The following CACNA1D variants were observed in gnomAD, a reference collection of about 807,000 sequenced individuals.
CACNA1D encodes voltage-dependent L-type calcium channel subunit alpha-1D.
CACNA1D carries 55 observed loss-of-function variants against 257.1 expected under a neutral mutation model. The ratio of observed to expected loss-of-function variants is 0.21; its 90% CI spans 0.17 to 0.27. The LOEUF (loss-of-function observed/expected upper bound fraction) is 0.27, where lower values mean the gene tolerates loss of function less well. Among genes scored for constraint, CACNA1D ranks in the 10% least tolerant of loss-of-function variants. The pLI is 1.00. For synonymous variants in CACNA1D, 980 were observed against 1,014.9 expected, an observed-to-expected ratio of 0.97 and a Z score of 0.65; for missense variants, 1,876 against 2,784.0, an observed-to-expected ratio of 0.67 and a Z score of 7.34.
chr3:53,501,534 G>C, intron 2 of CACNA1D, 81 bp from the exon 3 acceptor site: 1 of 784,302 alleles, frequency 1.3e-6, no homozygotes. Flanking sequence ...AAAGTGCTTT[G>C]AAAGTGGTGT....
chr3:53,625,538 T>C lies in CACNA1D; in HGVS notation c.484-25241T>C, dbSNP rs147589526. 3.3e-5 allele frequency among the ~76,000 whole-genome samples: 5 copies of C among 152,320 alleles called. No homozygotes were observed. The East Asian group carries it at 9.6e-4, about 29-fold the overall frequency. The stretch of plus-strand genomic sequence containing the variant: ...CCTCCCCTAGGAAGATGTGCTCTTC[T>C]GGGATTTGGGAGCATTCATGACATC... On this transcript the variant is annotated intron_variant, in intron 3 of 47. Transcript: ENST00000350061.
chr3:53,700,247 A>C (rs935111346), intron 8 of CACNA1D, among the ~76,000 whole-genome samples: 7 of 152,006 alleles, frequency 4.6e-5, no homozygotes, highest in African/African-American at 1.7e-4. Flanking sequence ...CCAAAGTAAG[A>C]ATACCTTGTT....
At chr3:53,799,153 G>A (rs572195033) in intron 40 of CACNA1D, among the ~76,000 whole-genome samples, 1 of 152,214 alleles carries the variant, frequency 6.6e-6, no homozygotes, top group Non-Finnish European at 1.5e-5. Context: ...CCTGGATACA[G>A]GACCGTAGAC....
intron 40 of CACNA1D, among the ~76,000 whole-genome samples, chr3:53,799,243 G>A (rs2095523591): frequency 6.6e-6 from 1 of 152,196 alleles, no homozygotes; most frequent in Non-Finnish European, 1.5e-5. Flanking sequence ...GTCCCTATTA[G>A]TCTTTAACTC....
Position 53,726,865 on chromosome 3 carries a change from G to T in CACNA1D, c.2101-14G>T, listed in dbSNP as rs768555452. On this transcript the variant is annotated splice_polypyrimidine_tract_variant and intron_variant, in intron 14 of 47. Coordinates refer to ENST00000350061, the MANE Select transcript of CACNA1D (RefSeq NM_001128840.3). The stretch of plus-strand genomic sequence containing the variant: ...TGAATCCACCTGCTGGCTGATACCA[G>T]TTTGGCTTCTCAGATCCTGACAGGC... 2.5e-6 allele frequency: 4 copies of T among 1,613,980 alleles called. No individual in the cohort carries two copies. The highest frequency in any genetic ancestry group is 1.3e-5 in the African/African-American group (1 of 74,886).
chr3:53,656,502 T>C (rs1038202240), intron 4 of CACNA1D, among the ~76,000 whole-genome samples: 3 of 152,156 alleles, frequency 2.0e-5, no homozygotes, highest in Non-Finnish European at 2.9e-5. Context: ...TTGGATAAAA[T>C]CTTTATGACC....
At chr3:53,755,031 A>T (rs1018761909) in intron 29 of CACNA1D, among the ~76,000 whole-genome samples, 1 of 152,266 alleles carries the variant, frequency 6.6e-6, no homozygotes, top group East Asian at 1.9e-4. Context: ...TGACTTGTCC[A>T]TATCTACATA....
At chr3:53,692,795 C>T (rs2094539903) in intron 8 of CACNA1D, among the ~76,000 whole-genome samples, 1 of 152,226 alleles carries the variant, frequency 6.6e-6, no homozygotes, top group South Asian at 2.1e-4. Context: ...CAGTGGCTCA[C>T]GCCTGTTTTC....
At chr3:53,654,817 C>A (rs2094132789) in intron 4 of CACNA1D, among the ~76,000 whole-genome samples, 1 of 151,764 alleles carries the variant, frequency 6.6e-6, no homozygotes, top group Non-Finnish European at 1.5e-5. Context: ...AAAAGAAAAT[C>A]CCAGGTCTAT....
rs566032543 is a variant in CACNA1D at position 53,520,930 on chromosome 3, T to C, written c.483+19210T>C. ...TTTTCTTTTCTTTTTCTTTCTTTTC[T>C]TTCTTTCTCCTTTCCTTTCCTCCTG... On this transcript the variant is annotated intron_variant, in intron 3 of 47. Transcript: ENST00000350061. Among the ~76,000 whole-genome samples, 7 of 151,202 alleles carry C rather than the reference T, an allele frequency of 4.6e-5. No homozygotes were observed. The South Asian group carries it at 1.5e-3, about 32-fold the overall frequency.
At chr3:53,509,853 A>G (rs1559768673) in intron 3 of CACNA1D, among the ~76,000 whole-genome samples, 1 of 152,220 alleles carries the variant, frequency 6.6e-6, no homozygotes, top group African/African-American at 2.4e-5. Flanking sequence ...TGCATAACAT[A>G]GACTCACAGA....
At chr3:53,643,403 T>C (rs899627421) in intron 3 of CACNA1D, among the ~76,000 whole-genome samples, 1 of 152,088 alleles carries the variant, frequency 6.6e-6, no homozygotes, top group African/African-American at 2.4e-5. Context: ...GCGCTGCGGC[T>C]CCCCTGGGTC....
chr3:53,504,056 T>A (rs2090716793), intron 3 of CACNA1D, among the ~76,000 whole-genome samples: 2 of 116,974 alleles, frequency 1.7e-5, no homozygotes, highest in South Asian at 7.8e-4. Context: ...TGGTTTTTTG[T>A]TTTTTTTTTT....
chr3:53,783,963 C>T (rs1210075729), intron 39 of CACNA1D, among the ~76,000 whole-genome samples: 1 of 152,192 alleles, frequency 6.6e-6, no homozygotes, highest in Non-Finnish European at 1.5e-5. Flanking sequence ...ATGTGGGGTG[C>T]TCAGGAAGCC....
chr3:53,509,357 G>A (rs958092198), intron 3 of CACNA1D, among the ~76,000 whole-genome samples: 12 of 152,106 alleles, frequency 7.9e-5, no homozygotes, highest in African/African-American at 2.9e-4. Context: ...AAAGGTGGAG[G>A]TGGGCATTGT....
At chr3:53,749,040 C>T in intron 26 of CACNA1D, 3 of 674,512 alleles carry the variant, frequency 4.4e-6, no homozygotes, top group South Asian at 3.1e-5. Flanking sequence ...TTCAGTTCCT[C>T]AGAACAGTCC....
chr3:53,519,276 C>T (rs2107322421), intron 3 of CACNA1D, among the ~76,000 whole-genome samples: 1 of 152,318 alleles, frequency 6.6e-6, no homozygotes, highest in Non-Finnish European at 1.5e-5. Context: ...CACTTGCCAG[C>T]AGGGCGTCTT....
chr3:53,672,815 TGTGTATGG>T (rs1356005527), intron 7 of CACNA1D, among the ~76,000 whole-genome samples, 200 bp from the exon 8 acceptor site: 7 of 113,330 alleles, frequency 6.2e-5, no homozygotes, highest in African/African-American at 7.6e-5. Context: ...TGTGTGTGTG[TGTGTATGG>T]ATGCTTGTGT....
intron 29 of CACNA1D, among the ~76,000 whole-genome samples, chr3:53,757,909 A>C (rs1198109843): frequency 6.6e-6 from 1 of 152,146 alleles, no homozygotes; most frequent in East Asian, 1.9e-4. Context: ...ACTATGCACC[A>C]TCGTTACCAA....
Sources: gnomAD v4.1 joint callset for allele counts (sites outside exome capture counted in the v4.1 genomes callset) on GRCh38, gnomAD v4.1.1 for gene constraint, MANE v1.5 for transcripts, NCBI Gene and HGNC (gene_info 2026-07-23, HGNC 2026-07-21) for gene names.